Variants in NTNG1 observed in about 807,000 individuals in gnomAD.
NTNG1 encodes the protein netrin-G1.
Under a neutral mutation model 54.0 loss-of-function variants are expected in NTNG1, and 16 were observed. The ratio of observed to expected loss-of-function variants is 0.30; its 90% confidence interval spans 0.20 to 0.45. NTNG1 has a LOEUF of 0.45. Ranked by LOEUF, NTNG1 falls within the 20% of genes least tolerant of loss-of-function variation. NTNG1 has a pLI of 1.00. For synonymous variants in NTNG1, 255 were observed against 263.1 expected (o/e 0.97, Z 0.30); for missense variants, 530 against 678.7 (o/e 0.78, Z 2.43).
chr1:107,235,404 C>A (rs1438141410), intron 2 of NTNG1, among the ~76,000 whole-genome samples: 1 of 152,190 alleles, frequency 6.6e-6, no homozygotes, highest in African/African-American at 2.4e-5. Context: ...AGCAACCAAG[C>A]CGCTGGAGCC....
At chr1:107,287,866 T>C (rs568235842) in intron 2 of NTNG1, among the ~76,000 whole-genome samples, 2 of 152,152 alleles carry the variant, frequency 1.3e-5, no homozygotes, top group African/African-American at 4.8e-5. Context: ...ACAAGGAGGG[T>C]ATATAATATA....
In NTNG1 at chr1:107,348,241, T is replaced by C. The variant is rs2101949211; in HGVS notation, c.887+23319T>C. On this transcript the variant is annotated intron_variant, in intron 3 of 7. Transcript: ENST00000370068. ...CCTGGGTTCAAGCAATTATTCTGCC[T>C]CAACCTCCTGAGTAGCTGGGACAAC... is the stretch of plus-strand genomic sequence containing the variant. Among the ~76,000 whole-genome samples the C allele has an allele frequency of 2.0e-5, 3 of 152,256 alleles. No individual in the cohort carries two copies. In the South Asian group the frequency reaches 6.2e-4, roughly 32 times the overall value.
chr1:107,365,407 TGGCACTCCAG>T (rs1670534539), intron 3 of NTNG1, among the ~76,000 whole-genome samples: 1 of 152,184 alleles, frequency 6.6e-6, no homozygotes, highest in South Asian at 2.1e-4. Flanking sequence ...TAATCTTTCT[TGGCACTCCAG>T]GGCCCATAAG....
chr1:107,184,276 C>A (rs542143475), intron 2 of NTNG1, among the ~76,000 whole-genome samples: 22 of 152,230 alleles, frequency 1.4e-4, no homozygotes, highest in Admixed American at 3.3e-4. Context: ...CCACCATGCA[C>A]TGGGGGTCAG....
intron 2 of NTNG1, among the ~76,000 whole-genome samples, chr1:107,290,936 A>G (rs555774015): frequency 6.8e-6 from 1 of 146,370 alleles, no homozygotes; most frequent in Non-Finnish European, 1.5e-5. Context: ...ACACATGTGG[A>G]GATATTTTAA....
intron 2 of NTNG1, among the ~76,000 whole-genome samples, chr1:107,253,044 GA>G (rs1474790583): frequency 1.4e-5 from 2 of 142,562 alleles, no homozygotes; most frequent in African/African-American, 6.2e-5. Flanking sequence ...AAGCACTAAA[GA>G]ATACCAGGGA....
intron 1 of NTNG1, among the ~76,000 whole-genome samples, chr1:107,147,751 T>A (rs1654235358): frequency 6.6e-6 from 1 of 152,192 alleles, no homozygotes; most frequent in Non-Finnish European, 1.5e-5. Context: ...AGCACTGCAA[T>A]GTATGAGAAA....
intron 2 of NTNG1, among the ~76,000 whole-genome samples, chr1:107,297,248 C>CATATATATATAT (rs1557878514): frequency 0.078 from 4,902 of 62,934 alleles, 308 homozygotes; most frequent in Non-Finnish European, 0.088. Flanking sequence ...TATATATATG[C>CATATATATATAT]GCACACACAC....
intron 1 of NTNG1, among the ~76,000 whole-genome samples, chr1:107,142,106 T>C (rs1653773821): frequency 6.6e-6 from 1 of 152,064 alleles, no homozygotes; most frequent in Admixed American, 6.6e-5. Context: ...TTTACTGGCA[T>C]CATATTAATC....
At chr1:107,170,798 A>G (rs947162022) in intron 2 of NTNG1, among the ~76,000 whole-genome samples, 1 of 152,148 alleles carries the variant, frequency 6.6e-6, no homozygotes, top group African/African-American at 2.4e-5. Flanking sequence ...TTAAGTTACC[A>G]TTGCTGACTC....
chr1:107,366,531 C>A (rs1166209443), intron 3 of NTNG1, among the ~76,000 whole-genome samples: 1 of 152,140 alleles, frequency 6.6e-6, no homozygotes, highest in African/African-American at 2.4e-5. Context: ...CTACAGAATG[C>A]CAGCATGTTG....
chr1:107,325,836 A>C (rs1356047673), intron 3 of NTNG1, among the ~76,000 whole-genome samples: 1 of 152,128 alleles, frequency 6.6e-6, no homozygotes, highest in Non-Finnish European at 1.5e-5. Flanking sequence ...ATAACACCCC[A>C]GTAAAAAGGC....
At chr1:107,371,758 T>C (rs1408784075) in intron 3 of NTNG1, among the ~76,000 whole-genome samples, 1 of 152,064 alleles carries the variant, frequency 6.6e-6, no homozygotes, top group African/African-American at 2.4e-5. Flanking sequence ...CATTGTCTGA[T>C]GCAAGTAACA....
chr1:107,480,569 T>TCCCC, intron 7 of NTNG1, 42 bp from the exon 8 acceptor site: 21 of 609,580 alleles, frequency 3.4e-5, no homozygotes, highest in East Asian at 8.3e-5. Flanking sequence ...CTGCTTCTCC[T>TCCCC]CCCCGCGCCC....
rs138103140 is a variant in NTNG1 at position 107,202,920 on chromosome 1, C to A, written c.246+54081C>A. 3.6e-3 allele frequency among the ~76,000 whole-genome samples: 554 copies of A among 151,836 alleles called. 8 individuals are homozygous for A. The highest frequency in any genetic ancestry group is 0.02 in the South Asian group (98 of 4,814). ...GTATGTAATATTTTGAGATTGTGTT[C>A]TTTTACCTAGAAAAATGTCTTTGAG... On this transcript the variant is annotated intron_variant, in intron 2 of 7. Coordinates refer to ENST00000370068, the MANE Select transcript of NTNG1 (RefSeq NM_001113226.3).
intron 2 of NTNG1, among the ~76,000 whole-genome samples, chr1:107,173,145 T>C (rs1282624012): frequency 6.6e-6 from 1 of 152,182 alleles, no homozygotes; most frequent in Non-Finnish European, 1.5e-5. Context: ...CAAAGAATCA[T>C]GTAGTAGTGT....
At chr1:107,388,110 T>G (rs1039431565) in intron 3 of NTNG1, among the ~76,000 whole-genome samples, 1 of 152,210 alleles carries the variant, frequency 6.6e-6, no homozygotes, top group South Asian at 2.1e-4. Flanking sequence ...GCCTTCTGTT[T>G]GAATCCCTAT....
chr1:107,428,809 G>A (rs1450371243), intron 5 of NTNG1, among the ~76,000 whole-genome samples: 8 of 152,100 alleles, frequency 5.3e-5, no homozygotes, highest in Non-Finnish European at 8.8e-5. Flanking sequence ...TAAACAAGGC[G>A]TAACTCTGAG....
intron 3 of NTNG1, among the ~76,000 whole-genome samples, chr1:107,328,701 G>A (rs1246188855): frequency 3.9e-5 from 6 of 152,008 alleles, no homozygotes; most frequent in Admixed American, 3.9e-4. Flanking sequence ...AGCGAGCACT[G>A]TATTTGTCAG....
Sources: gnomAD v4.1 joint callset for allele counts (sites outside exome capture counted in the v4.1 genomes callset) on GRCh38, gnomAD v4.1.1 for gene constraint, MANE v1.5 for transcripts, NCBI Gene and HGNC (gene_info 2026-07-23, HGNC 2026-07-21) for gene names.